ADAM10: variants seen among roughly 807,000 people sequenced by gnomAD.
ADAM10 encodes the protein ADAM metallopeptidase domain 10.
ADAM10 carries 17 observed loss-of-function variants against 90.1 expected under a neutral mutation model. The observed-to-expected ratio is 0.19, with a 90% CI of 0.13 to 0.28. The LOEUF is 0.28. Among genes scored for constraint, ADAM10 ranks in the 10% least tolerant of loss-of-function variants. ADAM10 has a pLI of 1.00. For missense variants in ADAM10, 610 were observed against 914.3 expected (o/e 0.67, Z 4.29); for synonymous variants, 310 against 298.6 (o/e 1.04, Z -0.40).
chr15:58,681,849 T>C (rs545941060), intron 3 of ADAM10, among the ~76,000 whole-genome samples: 2 of 152,324 alleles, frequency 1.3e-5, no homozygotes, highest in East Asian at 1.9e-4. Flanking sequence ...TTTTAGACTT[T>C]TCCTGTTTTC....
At chr15:58,703,417 A>G (rs535556926) in intron 2 of ADAM10, among the ~76,000 whole-genome samples, 8 of 152,314 alleles carry the variant, frequency 5.3e-5, no homozygotes, top group Admixed American at 5.2e-4. Flanking sequence ...ATAGCAACAC[A>G]GCAGACAAAA....
intron 2 of ADAM10, among the ~76,000 whole-genome samples, chr15:58,690,055 T>C (rs1296096548): frequency 1.3e-5 from 2 of 149,030 alleles, no homozygotes; most frequent in African/African-American, 2.5e-5. Context: ...GGACAATACA[T>C]CATAAGCAAA....
intron 2 of ADAM10, chr15:58,691,061 C>T (rs1469693840): frequency 1.7e-6 from 1 of 599,036 alleles, no homozygotes; most frequent in South Asian, 1.5e-5. Context: ...TAGAGTTGTC[C>T]CAAAATGCCT....
At chr15:58,657,117 ATCTTT>A (rs1477070713) in intron 5 of ADAM10, among the ~76,000 whole-genome samples, 1 of 151,842 alleles carries the variant, frequency 6.6e-6, no homozygotes, top group African/African-American at 2.4e-5. Context: ...TGCTTTTAGG[ATCTTT>A]TCTTTATGGC....
At chr15:58,732,993 T>C (rs1344225479) in intron 1 of ADAM10, 2 of 152,252 alleles carry the variant, frequency 1.3e-5, no homozygotes, top group African/African-American at 2.4e-5. Flanking sequence ...GCAGGAAATA[T>C]GGGAATGCAG....
chr15:58,693,994 A>C (rs563770315), intron 2 of ADAM10, among the ~76,000 whole-genome samples: 1 of 152,346 alleles, frequency 6.6e-6, no homozygotes, highest in South Asian at 2.1e-4. Flanking sequence ...AAGAAATGTA[A>C]ATCAGAACTA....
At chr15:58,737,745 A>G (rs1253854098) in intron 1 of ADAM10, among the ~76,000 whole-genome samples, 1 of 152,144 alleles carries the variant, frequency 6.6e-6, no homozygotes, top group Non-Finnish European at 1.5e-5. Context: ...TTCTAAGCAA[A>G]AGCTTCCTTC....
In ADAM10 at chr15:58,610,532, C is replaced by T; in HGVS notation, c.1805-15G>A. The T allele has an allele frequency of 1.2e-6, 2 of 1,608,020 alleles. No homozygotes were observed. Among genetic ancestry groups the T allele is most frequent in the South Asian group, 1.1e-5 (1 of 90,902 alleles). ...TGATGGGTCCACTGGAAAAGAAATG[C>T]CAAATATAAGCTGAAGGTCAGATTC... On this transcript the variant is annotated splice_polypyrimidine_tract_variant and intron_variant, in intron 13 of 15. Transcript: ENST00000260408.
chr15:58,671,369 C>G (rs774410879), intron 4 of ADAM10, among the ~76,000 whole-genome samples: 14 of 152,148 alleles, frequency 9.2e-5, no homozygotes, highest in Non-Finnish European at 1.8e-4. Flanking sequence ...TCTCACAATG[C>G]CTCTTTAGAA....
At chr15:58,662,293 G>C (rs1896986920) in intron 5 of ADAM10, among the ~76,000 whole-genome samples, 1 of 152,122 alleles carries the variant, frequency 6.6e-6, no homozygotes, top group Non-Finnish European at 1.5e-5. Context: ...CTACTCTAGG[G>C]CTAGGTTAGC....
intron 2 of ADAM10, chr15:58,691,535 C>G (rs767758765): frequency 1.8e-6 from 1 of 553,878 alleles, no homozygotes; most frequent in Non-Finnish European, 3.5e-6. Flanking sequence ...GAGACCACAG[C>G]AGTTCAGACA....
intron 14 of ADAM10, among the ~76,000 whole-genome samples, chr15:58,606,187 C>T (rs1895269968): frequency 1.3e-5 from 2 of 152,184 alleles, no homozygotes; most frequent in Non-Finnish European, 2.9e-5. Context: ...TATGTCATCC[C>T]TATAGGGGCA....
chr15:58,616,871 G>A (rs545869260), intron 11 of ADAM10, among the ~76,000 whole-genome samples: 1 of 152,294 alleles, frequency 6.6e-6, no homozygotes, highest in South Asian at 2.1e-4. Context: ...CACTTTGGGA[G>A]GCCGAGGCGG....
chr15:58,686,571 C>G (rs1897610149), intron 2 of ADAM10: 1 of 1,246,942 alleles, frequency 8.0e-7, no homozygotes, highest in African/African-American at 1.5e-5. Context: ...GGTGTTCTAG[C>G]TGGAAGTAAC....
At chr15:58,701,535 T>C (rs1222597535) in intron 2 of ADAM10, among the ~76,000 whole-genome samples, 2 of 152,200 alleles carry the variant, frequency 1.3e-5, no homozygotes, top group Non-Finnish European at 2.9e-5. Context: ...ATACTGTTGA[T>C]AGGAATGTAA....
At chr15:58,715,279 G>A (rs774082594) in intron 2 of ADAM10, among the ~76,000 whole-genome samples, 14 of 151,724 alleles carry the variant, frequency 9.2e-5, no homozygotes, top group Non-Finnish European at 1.3e-4. Context: ...AAAATTAGCC[G>A]GGCATGGTGG....
At chr15:58,744,177 G>A (rs1461466132) in intron 1 of ADAM10, among the ~76,000 whole-genome samples, 1 of 146,410 alleles carries the variant, frequency 6.8e-6, no homozygotes, top group African/African-American at 2.5e-5. Context: ...CAACTGTTTA[G>A]AAAGTTACGA....
Position 58,624,563 on chromosome 15 carries a change from G to A in ADAM10, c.1361-2942C>T, listed in dbSNP as rs1425758828. On this transcript the variant is annotated intron_variant, in intron 10 of 15. Coordinates refer to ENST00000260408, the MANE Select transcript of ADAM10 (RefSeq NM_001110.4). ...GTTTGTTTGTCTGAGACAGAGTCTC[G>A]CTCTGTTGCCCAGGTTAAAGTGCAG... 3.9e-5 allele frequency among the ~76,000 whole-genome samples: 6 copies of A among 151,996 alleles called. No homozygotes were observed. The South Asian group carries it at 6.2e-4, about 16-fold the overall frequency.
At chr15:58,713,748 G>C (rs1039161433) in intron 2 of ADAM10, among the ~76,000 whole-genome samples, 5 of 151,842 alleles carry the variant, frequency 3.3e-5, no homozygotes, top group Non-Finnish European at 5.9e-5. Context: ...TGACTCAAAT[G>C]GTACTTTTAT....
Sources: gnomAD v4.1 joint callset for allele counts (sites outside exome capture counted in the v4.1 genomes callset) on GRCh38, gnomAD v4.1.1 for gene constraint, MANE v1.5 for transcripts, NCBI Gene and HGNC (gene_info 2026-07-23, HGNC 2026-07-21) for gene names.